The following CRYBG1 variants were observed in gnomAD, a reference collection of about 807,000 sequenced individuals.
CRYBG1 encodes the protein beta/gamma crystallin domain-containing protein 1.
A neutral mutation model predicts 189.2 loss-of-function variants in CRYBG1; 139 were observed. The observed-to-expected ratio is 0.73, with a 90% CI of 0.64 to 0.85. CRYBG1 has a LOEUF of 0.85. CRYBG1 is among the 40% of genes least tolerant of loss of function. The probability of loss-of-function intolerance (pLI) is 0.00; values close to 1 mark genes in which losing one functional copy is unlikely to be tolerated. For missense variants in CRYBG1, 2,611 were observed against 2,675.8 expected (o/e 0.98, Z 0.53); for synonymous variants, 1,023 against 1,017.1 (o/e 1.01, Z -0.11).
chr6:106,555,392 T>C (rs570030728), intron 16 of CRYBG1, among the ~76,000 whole-genome samples: 10 of 152,098 alleles, frequency 6.6e-5, no homozygotes, highest in Admixed American at 2.0e-4. Context: ...ACCAAATCAA[T>C]AGGCCTTGGT....
chr6:106,426,661 G>A (rs1012846921), intron 1 of CRYBG1, among the ~76,000 whole-genome samples: 25 of 152,172 alleles, frequency 1.6e-4, no homozygotes, highest in African/African-American at 5.3e-4. Flanking sequence ...GGTGTCCCCA[G>A]TGGGCAGAGT....
chr6:106,495,710 C>A (rs553015411), intron 2 of CRYBG1, among the ~76,000 whole-genome samples: 2 of 151,326 alleles, frequency 1.3e-5, no homozygotes, highest in South Asian at 2.1e-4. Flanking sequence ...AAGCTACTCT[C>A]ATTGAATATA....
chr6:106,399,669 T>TC (rs1770684756), intron 1 of CRYBG1, among the ~76,000 whole-genome samples: 1 of 150,972 alleles, frequency 6.6e-6, no homozygotes, highest in Non-Finnish European at 1.5e-5. Flanking sequence ...TTTTTTTTTT[T>TC]TTCTTGAGAC....
At chr6:106,422,340 A>ATTT (rs747540246) in intron 1 of CRYBG1, among the ~76,000 whole-genome samples, 5 of 68,280 alleles carry the variant, frequency 7.3e-5, no homozygotes, top group Admixed American at 3.6e-4. Flanking sequence ...TTATTTATTT[A>ATTT]TTTATTTTTG....
chr6:106,400,634 C>G (rs1770704562), intron 1 of CRYBG1, among the ~76,000 whole-genome samples: 1 of 152,064 alleles, frequency 6.6e-6, no homozygotes, highest in Non-Finnish European at 1.5e-5. Flanking sequence ...TCATAGTATA[C>G]AGAATAAACC....
chr6:106,514,850 A>G (rs1773381843), intron 3 of CRYBG1, among the ~76,000 whole-genome samples: 1 of 152,248 alleles, frequency 6.6e-6, no homozygotes, highest in South Asian at 2.1e-4. Flanking sequence ...TTTCTTTACC[A>G]GACATTCAAT....
intron 20 of CRYBG1, 55 bp from the exon 21 acceptor site, chr6:106,563,709 A>G: frequency 1.3e-6 from 2 of 1,536,228 alleles, no homozygotes; most frequent in Non-Finnish European, 1.8e-6. Context: ...AATAATTGCT[A>G]TGAGACTTAC....
chr6:106,384,514 G>C (rs1770348079), intron 1 of CRYBG1, among the ~76,000 whole-genome samples: 1 of 152,088 alleles, frequency 6.6e-6, no homozygotes, highest in African/African-American at 2.4e-5. Context: ...GGGGTGATGG[G>C]AGAGAGTGAC....
At chr6:106,377,647 A>ATATATATATATATATATATATT (rs1562290499) in intron 1 of CRYBG1, among the ~76,000 whole-genome samples, 3 of 144,164 alleles carry the variant, frequency 2.1e-5, no homozygotes, top group African/African-American at 8.2e-5. Context: ...ATATATATAT[A>ATATATATATATATATATATATT]TTTTCATTTG....
intron 2 of CRYBG1, among the ~76,000 whole-genome samples, chr6:106,454,059 G>A (rs1312754163): frequency 6.6e-6 from 1 of 152,146 alleles, no homozygotes; most frequent in Non-Finnish European, 1.5e-5. Flanking sequence ...CCACCTCAGA[G>A]AGGCTCAAAA....
Position 106,561,388 on chromosome 6 carries a change from T to C in CRYBG1, c.6026T>C (p.Met2009Thr), listed in dbSNP as rs767552145. The C allele has an allele frequency of 1.1e-5, 17 of 1,614,052 alleles. No individual in the cohort carries two copies. Among genetic ancestry groups the C allele is most frequent in the Non-Finnish European group, 1.4e-5 (17 of 1,180,022 alleles). ...RLRNKATGLF[M>T]STNGNLEDLK... Reference sequence around the variant, plus strand: ...CGAAACAAAGCAACAGGGTTATTCATGTCAACCAATGGAAACTTAGAGGAT... The same window carrying C: ...CGAAACAAAGCAACAGGGTTATTCACGTCAACCAATGGAAACTTAGAGGAT... The change falls in exon 20 of 22, where the codon ATG (methionine) becomes ACG (threonine). Residue 2009 changes from methionine to threonine, a missense_variant. Coordinates refer to ENST00000633556, the MANE Select transcript of CRYBG1 (RefSeq NM_001371242.2).
At chr6:106,466,494 G>A (rs2114460319) in intron 2 of CRYBG1, among the ~76,000 whole-genome samples, 1 of 152,288 alleles carries the variant, frequency 6.6e-6, no homozygotes, top group South Asian at 2.1e-4. Flanking sequence ...TGTCTTGGGA[G>A]TTTCTTCTTT....
At chr6:106,563,717 TA>T in intron 20 of CRYBG1, 46 bp from the exon 21 acceptor site, 1 of 1,558,910 alleles carries the variant, frequency 6.4e-7, no homozygotes, top group South Asian at 1.1e-5. Context: ...CTATGAGACT[TA>T]CAGCTGGATA....
chr6:106,376,641 G>A (rs1770168149), intron 1 of CRYBG1, among the ~76,000 whole-genome samples: 1 of 152,160 alleles, frequency 6.6e-6, no homozygotes, highest in Non-Finnish European at 1.5e-5. Flanking sequence ...TTTATGCTTA[G>A]GGGGTAGTAG....
chr6:106,399,144 T>C (rs755519772), intron 1 of CRYBG1, among the ~76,000 whole-genome samples: 8 of 152,186 alleles, frequency 5.3e-5, no homozygotes, highest in Non-Finnish European at 1.0e-4. Context: ...ATTTCAGCCA[T>C]TGAAGAAGCC....
At chr6:106,552,053 T>G in intron 14 of CRYBG1, 75 bp downstream of exon 14, 2 of 1,454,724 alleles carry the variant, frequency 1.4e-6, no homozygotes, top group Non-Finnish European at 1.9e-6. Flanking sequence ...CTGGTTCATG[T>G]AATAGTAATT....
At chr6:106,414,885 C>T (rs1409317288) in intron 1 of CRYBG1, among the ~76,000 whole-genome samples, 1 of 152,122 alleles carries the variant, frequency 6.6e-6, no homozygotes, top group South Asian at 2.1e-4. Flanking sequence ...TTTATAATCC[C>T]TTTTTTTCTG....
intron 1 of CRYBG1, among the ~76,000 whole-genome samples, chr6:106,416,013 C>A (rs915187607): frequency 1.7e-4 from 26 of 152,174 alleles, no homozygotes; most frequent in Admixed American, 5.2e-4. Context: ...CATAAGCCTG[C>A]CAGCTTTGCG....
At chr6:106,425,519 C>G (rs1055088535) in intron 1 of CRYBG1, among the ~76,000 whole-genome samples, 4 of 152,204 alleles carry the variant, frequency 2.6e-5, no homozygotes, top group Non-Finnish European at 5.9e-5. Context: ...TATCTTATTA[C>G]AGTCATCTGG....
Sources: allele counts gnomAD v4.1 joint callset (sites outside exome capture counted in the v4.1 genomes callset), GRCh38; gene constraint gnomAD v4.1.1; transcripts MANE v1.5; gene names NCBI Gene and HGNC (gene_info 2026-07-23, HGNC 2026-07-21).